The following TCF7L1 variants were observed in gnomAD, a reference collection of about 807,000 sequenced individuals.
The protein encoded by TCF7L1 is transcription factor 7-like 1.
TCF7L1 carries 18 observed loss-of-function variants against 63.7 expected under a neutral mutation model. The ratio of observed to expected loss-of-function variants is 0.28; its 90% confidence interval spans 0.20 to 0.42. TCF7L1 has a LOEUF of 0.42. Ranked by LOEUF, TCF7L1 falls within the 10% of genes least tolerant of loss-of-function variation. The pLI, the probability that TCF7L1 is intolerant of heterozygous loss-of-function variation, is 1.00. For synonymous variants in TCF7L1, 355 were observed against 340.9 expected (o/e 1.04, Z -0.46); for missense variants, 654 against 779.3 (o/e 0.84, Z 1.91).
Position 85,306,062 on chromosome 2 carries a change from A to C in TCF7L1, c.990-144A>C. 1 of 845,948 alleles carries C rather than the reference A, an allele frequency of 1.2e-6. No individual in the cohort carries two copies. The highest frequency in any genetic ancestry group is 1.9e-6 in the Non-Finnish European group (1 of 538,396). 52.4% of individuals were successfully genotyped at this position (845,948 alleles called of 1,614,324 possible). A position where few individuals can be genotyped will look rare whatever the true frequency, so the allele number is the denominator to read the frequency against. ...ACGGGAGGAAGGTACTCAGGTGTTG[A>C]GTGCAGCCATGGGGCCACTTGAATT... On this transcript the variant is annotated intron_variant, in intron 8 of 11. Transcript: ENST00000282111. The surrounding 1 kb of genome is among the most constrained non-coding windows in gnomAD (Gnocchi z 4.3).
intron 3 of TCF7L1, among the ~76,000 whole-genome samples, chr2:85,159,027 G>A (rs1298610837): frequency 1.3e-5 from 2 of 152,226 alleles, no homozygotes; most frequent in East Asian, 3.9e-4. Context: ...TGGCTGCGAG[G>A]ATGTTGAAGC....
chr2:85,188,493 T>G (rs1400945848), intron 3 of TCF7L1, among the ~76,000 whole-genome samples: 1 of 152,244 alleles, frequency 6.6e-6, no homozygotes, highest in East Asian at 1.9e-4. Context: ...ACATTCTGTT[T>G]ATGTCACATC....
intron 4 of TCF7L1, among the ~76,000 whole-genome samples, chr2:85,298,532 G>C (rs1250516272): frequency 1.3e-5 from 2 of 150,478 alleles, no homozygotes; most frequent in Non-Finnish European, 3.0e-5. Context: ...TGGCTTCCTA[G>C]GGAGACCAGA....
At chr2:85,179,200 C>T (rs1478393899) in intron 3 of TCF7L1, among the ~76,000 whole-genome samples, 3 of 152,170 alleles carry the variant, frequency 2.0e-5, no homozygotes, top group Non-Finnish European at 4.4e-5. Flanking sequence ...CAAAATGATA[C>T]GACCTAGGGA....
At chr2:85,226,011 C>A (rs939869049) in intron 3 of TCF7L1, among the ~76,000 whole-genome samples, 1 of 152,164 alleles carries the variant, frequency 6.6e-6, no homozygotes, top group Non-Finnish European at 1.5e-5. Context: ...TGTTGAAGGC[C>A]TTTTCTGCGT....
chr2:85,305,105 G>A (rs1051277961), intron 7 of TCF7L1, among the ~76,000 whole-genome samples, 155 bp from the exon 8 acceptor site: 2 of 152,132 alleles, frequency 1.3e-5, no homozygotes, highest in Non-Finnish European at 2.9e-5. Context: ...CCCAAACCTG[G>A]TTTTCTAGAA....
intron 3 of TCF7L1, among the ~76,000 whole-genome samples, chr2:85,282,627 C>T (rs560559924): frequency 6.6e-6 from 1 of 152,252 alleles, no homozygotes; most frequent in East Asian, 1.9e-4. Context: ...GTTAATCACT[C>T]ATTCAGGGTC....
chr2:85,300,359 T>C (rs1306009454), intron 4 of TCF7L1, among the ~76,000 whole-genome samples: 1 of 152,242 alleles, frequency 6.6e-6, no homozygotes, highest in Non-Finnish European at 1.5e-5. Flanking sequence ...CTTACAATAA[T>C]TTTTAATATT....
chr2:85,265,780 A>G (rs903234578), intron 3 of TCF7L1, among the ~76,000 whole-genome samples: 4 of 148,272 alleles, frequency 2.7e-5, no homozygotes, highest in African/African-American at 1.0e-4. Context: ...TTTTTTTTTG[A>G]GTGTTTTTAT....
intron 3 of TCF7L1, among the ~76,000 whole-genome samples, chr2:85,259,264 CG>C (rs1287362939): frequency 1.3e-5 from 2 of 152,214 alleles, no homozygotes; most frequent in African/African-American, 4.8e-5. Context: ...GTAAGCGCCC[CG>C]CCAATCCCCG....
At chr2:85,292,892 C>A (rs935404842) in intron 4 of TCF7L1, among the ~76,000 whole-genome samples, 3 of 152,200 alleles carry the variant, frequency 2.0e-5, no homozygotes, top group African/African-American at 7.2e-5. Context: ...TCAACTATTT[C>A]TTTCATAATG....
chr2:85,218,240 A>T (rs577535452), intron 3 of TCF7L1, among the ~76,000 whole-genome samples: 32 of 150,080 alleles, frequency 2.1e-4, no homozygotes, highest in African/African-American at 7.1e-4. Context: ...TACTTATTTT[A>T]TTTATTTATT....
chr2:85,237,495 A>G (rs911297139), intron 3 of TCF7L1, among the ~76,000 whole-genome samples: 1 of 152,122 alleles, frequency 6.6e-6, no homozygotes, highest in Non-Finnish European at 1.5e-5. Flanking sequence ...CAACCTGCAC[A>G]GGCATCCACA....
chr2:85,136,075 T>G (rs779296667), intron 3 of TCF7L1, among the ~76,000 whole-genome samples: 9 of 152,024 alleles, frequency 5.9e-5, no homozygotes, highest in Non-Finnish European at 1.2e-4. Flanking sequence ...GCCGCTAAAG[T>G]CTCAGGTTTC....
At chr2:85,198,984 G>A (rs932594010) in intron 3 of TCF7L1, among the ~76,000 whole-genome samples, 14 of 151,606 alleles carry the variant, frequency 9.2e-5, no homozygotes, top group Admixed American at 6.6e-4. Context: ...AAAGAAAAAA[G>A]GTTTTTTGTG....
intron 3 of TCF7L1, among the ~76,000 whole-genome samples, chr2:85,144,271 T>G (rs1379544031): frequency 6.6e-6 from 1 of 152,128 alleles, no homozygotes; most frequent in Non-Finnish European, 1.5e-5. Flanking sequence ...ATTTCAGCGT[T>G]AATTGACCAT....
chr2:85,238,419 A>C (rs925094778), intron 3 of TCF7L1, among the ~76,000 whole-genome samples: 2 of 151,696 alleles, frequency 1.3e-5, no homozygotes, highest in African/African-American at 4.8e-5. Flanking sequence ...GAAGATGACT[A>C]CTCTTTTGGG....
chr2:85,217,494 GCTT>G (rs1679735814), intron 3 of TCF7L1, among the ~76,000 whole-genome samples: 1 of 152,200 alleles, frequency 6.6e-6, no homozygotes, highest in African/African-American at 2.4e-5. Context: ...CTGTGTCCCA[GCTT>G]CTTCCCATGG....
At chr2:85,205,304 T>TGAGAG (rs1412827100) in intron 3 of TCF7L1, among the ~76,000 whole-genome samples, 3 of 152,196 alleles carry the variant, frequency 2.0e-5, no homozygotes, top group African/African-American at 2.4e-5. Context: ...TTGCATTTTC[T>TGAGAG]CTCTCAGTGC....
Sources: allele counts gnomAD v4.1 joint callset (sites outside exome capture counted in the v4.1 genomes callset), GRCh38; gene constraint gnomAD v4.1.1; non-coding constraint Gnocchi (gnomAD v3.1); transcripts MANE v1.5; gene names NCBI Gene and HGNC (gene_info 2026-07-23, HGNC 2026-07-21).